Variants in CFTR observed in about 807,000 individuals in gnomAD.
The protein encoded by CFTR is cystic fibrosis transmembrane conductance regulator.
Under a neutral mutation model 171.6 loss-of-function variants are expected in CFTR, and 181 were observed. The ratio of observed to expected loss-of-function variants is 1.05; its 90% CI spans 0.93 to 1.19. The LOEUF (loss-of-function observed/expected upper bound fraction) is 1.19, where lower values mean the gene tolerates loss of function less well. CFTR is among the 50% of genes most tolerant of loss of function. The probability of loss-of-function intolerance (pLI) is 0.00; values close to 1 mark genes in which losing one functional copy is unlikely to be tolerated. For missense variants in CFTR, 1,968 were observed against 1,734.7 expected (o/e 1.13, Z -2.39); for synonymous variants, 583 against 608.0 (o/e 0.96, Z 0.60).
intron 24 of CFTR, among the ~76,000 whole-genome samples, chr7:117,656,603 GTTTC>G (rs1322635685): frequency 6.6e-6 from 1 of 151,992 alleles, no homozygotes; most frequent in Non-Finnish European, 1.5e-5. Context: ...GAAATTCTGG[GTTTC>G]TTTAACAGAA....
At chr7:117,614,850 T>C in intron 21 of CFTR, 137 bp downstream of exon 21, 1 of 675,356 alleles carries the variant, frequency 1.5e-6, no homozygotes. Flanking sequence ...TGAGGGTCAC[T>C]GTGTATCTGT....
chr7:117,488,488 T>C (rs1257211204), intron 1 of CFTR, among the ~76,000 whole-genome samples: 10 of 152,156 alleles, frequency 6.6e-5, no homozygotes, highest in Non-Finnish European at 1.5e-4. Flanking sequence ...TTTTGACTTA[T>C]AAGTCTCTGT....
chr7:117,648,808 C>A (rs1793035950), intron 23 of CFTR, among the ~76,000 whole-genome samples: 1 of 152,068 alleles, frequency 6.6e-6, no homozygotes, highest in Non-Finnish European at 1.5e-5. Context: ...CCCCTGGAAG[C>A]AAGAGAGTGC....
chr7:117,542,575 A>G (rs2115884507), intron 9 of CFTR, among the ~76,000 whole-genome samples: 1 of 152,224 alleles, frequency 6.6e-6, no homozygotes, highest in Non-Finnish European at 1.5e-5. Context: ...AAATAAAAAT[A>G]AAAAGAAGTG....
intron 24 of CFTR, among the ~76,000 whole-genome samples, chr7:117,658,714 G>T (rs529443333): frequency 6.6e-6 from 1 of 152,180 alleles, no homozygotes; most frequent in Admixed American, 6.5e-5. Flanking sequence ...TCCTCCACGG[G>T]TACCCACATG....
At chr7:117,498,949 T>G (rs1005745365) in intron 1 of CFTR, among the ~76,000 whole-genome samples, 3 of 152,136 alleles carry the variant, frequency 2.0e-5, no homozygotes, top group African/African-American at 7.2e-5. Context: ...TTGCTATTAA[T>G]TCCTCAAGTG....
At position 117,627,653 on chromosome 7, in the gene CFTR, A is replaced by G. The variant is rs397508586; in HGVS notation, c.3600A>G (p.Lys1200=). ...VMIIENSHVK[K]DDIWPSGGQM... ...TTATTGAGAATTCACACGTGAAGAA[A>G]GATGACATCTGGCCCTCAGGGGGCC... Residue 1200 remains lysine, a synonymous_variant, in exon 22 of 27, where the codon AAA becomes AAG. Transcript: ENST00000003084. 1.2e-6 allele frequency: 2 copies of G among 1,613,550 alleles called. No homozygotes were observed. The highest frequency in any genetic ancestry group is 8.5e-7 in the Non-Finnish European group (1 of 1,179,630).
chr7:117,614,743 G>GA, intron 21 of CFTR, 30 bp downstream of exon 21: 2 of 1,484,890 alleles, frequency 1.3e-6, no homozygotes, highest in Non-Finnish European at 1.9e-6. Context: ...TAACTTTTAT[G>GA]AAAAAAATTC....
At chr7:117,578,361 C>A (rs1791801784) in intron 11 of CFTR, among the ~76,000 whole-genome samples, 1 of 152,038 alleles carries the variant, frequency 6.6e-6, no homozygotes. Flanking sequence ...TTCTTAATAA[C>A]ATTTTCTTTT....
chr7:117,659,356 G>A (rs576905895), intron 24 of CFTR, among the ~76,000 whole-genome samples: 1 of 152,310 alleles, frequency 6.6e-6, no homozygotes, highest in Admixed American at 6.5e-5. Context: ...GTTCCTGGAG[G>A]TCAGGGATTA....
chr7:117,607,502 C>T (rs1792317576), intron 18 of CFTR, among the ~76,000 whole-genome samples: 2 of 152,130 alleles, frequency 1.3e-5, no homozygotes, highest in African/African-American at 4.8e-5. Context: ...CAGGTTTAAG[C>T]ACAGCTTCCT....
rs1799057695 is a variant in CFTR, at chr7:117,541,874, ATTATT to A, written c.1117-136_1117-132del. The A allele has an allele frequency of 2.5e-6, 1 of 399,422 alleles. No individual in the cohort carries two copies. The highest frequency in any genetic ancestry group is 4.0e-5 in the Admixed American group (1 of 25,178). 24.7% of individuals were successfully genotyped at this position (399,422 alleles called of 1,614,324 possible). On this transcript the variant is annotated intron_variant, in intron 8 of 26. Coordinates refer to ENST00000003084, the MANE Select transcript of CFTR (RefSeq NM_000492.4). ...AAATTAACTTTAGAACACTAATAAAATTATTTTATTAAGAAATAATTACTATTTCA... is the reference window on the plus strand; with the variant it reads ...AAATTAACTTTAGAACACTAATAAAATTATTAAGAAATAATTACTATTTCA...
intron 7 of CFTR, among the ~76,000 whole-genome samples, chr7:117,537,101 G>A (rs1311819799): frequency 6.6e-6 from 1 of 152,066 alleles, no homozygotes; most frequent in African/African-American, 2.4e-5. Flanking sequence ...GAAAAAAATT[G>A]TATTTGGTTA....
At chr7:117,603,807 A>C in intron 17 of CFTR, 25 bp downstream of exon 17, 1 of 1,611,996 alleles carries the variant, frequency 6.2e-7, no homozygotes, top group Non-Finnish European at 8.5e-7. Flanking sequence ...CTAAGAAATG[A>C]AACTGCTGAT....
chr7:117,599,494 T>C (rs1180857588), intron 15 of CFTR, among the ~76,000 whole-genome samples: 1 of 152,136 alleles, frequency 6.6e-6, no homozygotes, highest in African/African-American at 2.4e-5. Flanking sequence ...ATAAATACCA[T>C]ATAAATATCT....
intron 23 of CFTR, among the ~76,000 whole-genome samples, chr7:117,648,882 C>G (rs567066077): frequency 6.6e-6 from 1 of 152,034 alleles, no homozygotes; most frequent in Non-Finnish European, 1.5e-5. Flanking sequence ...CTAACTGAAC[C>G]AGTTTGTTCA....
Position 117,494,650 on chromosome 7 carries a change from A to T in CFTR, c.54-9603A>T, listed in dbSNP as rs547370344. On this transcript the variant is annotated intron_variant, in intron 1 of 26. Transcript: ENST00000003084. ...AGAGTATTTACTTTGGGTCCTAGTGATGGTATCTGAACAAGCTAGGTGAAC... is the reference window on the plus strand; with the variant it reads ...AGAGTATTTACTTTGGGTCCTAGTGTTGGTATCTGAACAAGCTAGGTGAAC... Among the ~76,000 whole-genome samples the T allele has an allele frequency of 2.6e-5, 4 of 152,246 alleles. No individual in the cohort carries two copies. The South Asian group carries it at 8.3e-4, about 32-fold the overall frequency.
At chr7:117,636,681 A>G (rs899376752) in intron 22 of CFTR, among the ~76,000 whole-genome samples, 4 of 152,022 alleles carry the variant, frequency 2.6e-5, no homozygotes, top group African/African-American at 9.7e-5. Context: ...CAATGAGTCC[A>G]TCAAAGGCAT....
At chr7:117,534,518 T>C (rs1397346595) in intron 5 of CFTR, among the ~76,000 whole-genome samples, 153 bp downstream of exon 5, 2 of 152,228 alleles carry the variant, frequency 1.3e-5, no homozygotes, top group African/African-American at 4.8e-5. Context: ...AGGTCAATTG[T>C]ATAGCAGAGC....
Sources: allele counts gnomAD v4.1 joint callset (sites outside exome capture counted in the v4.1 genomes callset), GRCh38; gene constraint gnomAD v4.1.1; transcripts MANE v1.5; gene names NCBI Gene and HGNC (gene_info 2026-07-23, HGNC 2026-07-21).